The following NUP155 variants were observed in gnomAD, a reference collection of about 807,000 sequenced individuals.
NUP155 encodes the protein nuclear pore complex protein Nup155.
NUP155 carries 71 observed loss-of-function variants against 180.4 expected under a neutral mutation model. The observed-to-expected ratio is 0.39, with a 90% CI of 0.33 to 0.48. The LOEUF (loss-of-function observed/expected upper bound fraction) is 0.48. Among genes scored for constraint, NUP155 ranks in the 20% least tolerant of loss-of-function variants. The pLI, the probability that NUP155 is intolerant of heterozygous loss-of-function variation, is 0.91. For missense variants in NUP155, 1,553 were observed against 1,648.9 expected (o/e 0.94, Z 1.01); for synonymous variants, 582 against 559.5 (o/e 1.04, Z -0.57).
intron 20 of NUP155, among the ~76,000 whole-genome samples, chr5:37,318,417 CAA>C (rs1344171444): frequency 2.0e-5 from 3 of 151,316 alleles, no homozygotes; most frequent in South Asian, 2.1e-4. Context: ...AAGCTAGATA[CAA>C]AAGAGTTAAT....
intron 1 of NUP155, among the ~76,000 whole-genome samples, chr5:37,368,910 T>C (rs1035982814): frequency 1.3e-5 from 2 of 152,100 alleles, no homozygotes; most frequent in Non-Finnish European, 2.9e-5. Flanking sequence ...TAAATGGCAG[T>C]GGGAACACAG....
At chr5:37,316,611 C>T (rs1031042643) in intron 21 of NUP155, among the ~76,000 whole-genome samples, 1 of 151,580 alleles carries the variant, frequency 6.6e-6, no homozygotes, top group Non-Finnish European at 1.5e-5. Flanking sequence ...ATTACAGGTG[C>T]CCGCCACCAC....
intron 22 of NUP155, among the ~76,000 whole-genome samples, chr5:37,313,118 G>A (rs1743628457): frequency 6.6e-6 from 1 of 152,048 alleles, no homozygotes; most frequent in African/African-American, 2.4e-5. Context: ...TTCCTACAGT[G>A]ATAAATATCT....
At position 37,371,054 on chromosome 5, in the gene NUP155, T is replaced by G. The variant is rs926672859; in HGVS notation, c.-77A>C. On this transcript the variant is annotated 5_prime_UTR_variant, in exon 1 of 35. Transcript: ENST00000231498. ...ACAAGAAAAGATCCAAGAAGTTAGC[T>G]TAGATCCGCCGCCTAGGGCGCGCGC... 1.4e-5 allele frequency: 21 copies of G among 1,522,718 alleles called. No individual in the cohort carries two copies. Among genetic ancestry groups the G allele is most frequent in the African/African-American group, 2.7e-5 (2 of 72,822 alleles). The allele number at this position is 1,522,718 out of a possible 1,614,324, so 94.3% of individuals were successfully genotyped here. A position where few individuals can be genotyped will look rare whatever the true frequency, so the allele number is the denominator to read the frequency against.
intron 15 of NUP155, among the ~76,000 whole-genome samples, chr5:37,329,740 T>C (rs1196986095): frequency 6.6e-6 from 1 of 152,122 alleles, no homozygotes; most frequent in African/African-American, 2.4e-5. Context: ...GGCATAGTGT[T>C]TGGGGAAGTA....
In NUP155 at chr5:37,309,209, ATTCT is replaced by A. The variant is rs1239069448; in HGVS notation, c.2683_2686del (p.Arg895CysfsTer2). Reference sequence around the variant, plus strand: ...ATATTCCTTTAATGATTCCCTTAACATTCTTTCTTTTTCAGTCTTATTTTGAACT... The same window carrying A: ...ATATTCCTTTAATGATTCCCTTAACATTCTTTTTCAGTCTTATTTTGAACT... On this transcript the variant is annotated frameshift_variant, in exon 24 of 35. Coordinates refer to ENST00000231498, the MANE Select transcript of NUP155 (RefSeq NM_153485.3). LOFTEE classifies it high-confidence loss of function. 1.9e-6 allele frequency: 3 copies of A among 1,613,640 alleles called. No individual in the cohort carries two copies. Among genetic ancestry groups the A allele is most frequent in the Non-Finnish European group, 1.7e-6 (2 of 1,179,786 alleles).
intron 7 of NUP155, among the ~76,000 whole-genome samples, chr5:37,349,844 C>T (rs551909377): frequency 2.0e-4 from 30 of 152,222 alleles, no homozygotes; most frequent in African/African-American, 6.5e-4. Flanking sequence ...CTAGACCAAG[C>T]AAACAATGTA....
At chr5:37,317,734 C>T (rs1183181563) in intron 21 of NUP155, among the ~76,000 whole-genome samples, 2 of 143,062 alleles carry the variant, frequency 1.4e-5, no homozygotes, top group Non-Finnish European at 3.0e-5. Context: ...GTCACCCAGG[C>T]TGGAGTGCAG....
At chr5:37,365,798 CCTA>C (rs1366333926) in intron 1 of NUP155, among the ~76,000 whole-genome samples, 4 of 136,482 alleles carry the variant, frequency 2.9e-5, no homozygotes, top group South Asian at 2.3e-4. Flanking sequence ...CACACAGACG[CCTA>C]CTATGTACAC....
chr5:37,290,897 C>G lies in NUP155; in HGVS notation c.*1003G>C, dbSNP rs539220941. ...AACAAATTCCTAGGTGATGCTGATGCTGATGCTGATGCTTCTGGTTTGGAG... is the reference window on the plus strand; with the variant it reads ...AACAAATTCCTAGGTGATGCTGATGGTGATGCTGATGCTTCTGGTTTGGAG... On this transcript the variant is annotated 3_prime_UTR_variant, in exon 35 of 35. Transcript: ENST00000231498. The G allele has an allele frequency of 3.3e-5, 5 of 152,246 alleles. No homozygotes were observed. The highest frequency in any genetic ancestry group is 3.4e-3 in the Middle Eastern group (1 of 294). The allele number at this position is 152,246 out of a possible 1,614,324, so 9.4% of individuals were successfully genotyped here.
At chr5:37,362,152 TGTTCCATGAGGGCAGAA>T (rs1747264481) in intron 3 of NUP155, among the ~76,000 whole-genome samples, 1 of 152,194 alleles carries the variant, frequency 6.6e-6, no homozygotes. Flanking sequence ...TAGGACTGTT[TGTTCCATGAGGGCAGAA>T]CTACATTCAT....
chr5:37,308,461 G>C (rs1177041849), intron 24 of NUP155, among the ~76,000 whole-genome samples: 1 of 152,110 alleles, frequency 6.6e-6, no homozygotes, highest in Non-Finnish European at 1.5e-5. Flanking sequence ...CGCTTTGGGA[G>C]GCTGAGGTGG....
chr5:37,368,248 C>T (rs1438767738), intron 1 of NUP155, among the ~76,000 whole-genome samples: 1 of 118,316 alleles, frequency 8.5e-6, no homozygotes, highest in Non-Finnish European at 1.6e-5. Context: ...GAGACAGGGT[C>T]TCACTCTGTT....
At chr5:37,345,522 A>G (rs1183378706) in intron 9 of NUP155, among the ~76,000 whole-genome samples, 2 of 151,620 alleles carry the variant, frequency 1.3e-5, no homozygotes, top group East Asian at 1.9e-4. Context: ...AAAAAAAAAA[A>G]AAAAAAAAGT....
intron 16 of NUP155, among the ~76,000 whole-genome samples, 186 bp from the exon 17 acceptor site, chr5:37,328,606 C>T (rs138430540): frequency 0.012 from 1,849 of 152,192 alleles, 37 homozygotes; most frequent in African/African-American, 0.042. Flanking sequence ...CGGGTTCAAG[C>T]GATTCTCCCG....
At chr5:37,299,329 G>T in intron 31 of NUP155, 119 bp downstream of exon 31, 2 of 1,193,186 alleles carry the variant, frequency 1.7e-6, no homozygotes, top group South Asian at 1.2e-5. Context: ...TCTCTTCTTA[G>T]GTATACACAA....
chr5:37,360,436 G>C (rs528789925), intron 3 of NUP155, among the ~76,000 whole-genome samples: 2 of 152,008 alleles, frequency 1.3e-5, no homozygotes, highest in East Asian at 3.9e-4. Flanking sequence ...AGTCAGCCAA[G>C]ATCTTGCCAC....
At chr5:37,345,987 A>C (rs1057308293) in intron 9 of NUP155, among the ~76,000 whole-genome samples, 1 of 152,000 alleles carries the variant, frequency 6.6e-6, no homozygotes, top group Non-Finnish European at 1.5e-5. Context: ...AAAAAATTCC[A>C]GAAAAAAATT....
chr5:37,299,976 G>A (rs1413831469), intron 30 of NUP155, among the ~76,000 whole-genome samples: 1 of 148,716 alleles, frequency 6.7e-6, no homozygotes, highest in Non-Finnish European at 1.5e-5. Context: ...CTGAGATCAC[G>A]CCATTGCACT....
Sources: gnomAD v4.1 joint callset for allele counts (sites outside exome capture counted in the v4.1 genomes callset) on GRCh38, gnomAD v4.1.1 for gene constraint, MANE v1.5 for transcripts, NCBI Gene and HGNC (gene_info 2026-07-23, HGNC 2026-07-21) for gene names.